HS3ST4: variants seen among roughly 807,000 people sequenced by gnomAD.
HS3ST4 encodes heparan sulfate glucosamine 3-O-sulfotransferase 4.
Under a neutral mutation model 29.2 loss-of-function variants are expected in HS3ST4, and 17 were observed. The observed-to-expected ratio is 0.58, with a 90% CI of 0.40 to 0.87. HS3ST4 has a LOEUF of 0.87. Among genes scored for constraint, HS3ST4 ranks in the 40% least tolerant of loss-of-function variants. HS3ST4 has a pLI of 0.00. For missense variants in HS3ST4, 627 were observed against 634.5 expected, an observed-to-expected ratio of 0.99 and a Z score of 0.13; for synonymous variants, 314 against 285.7, an observed-to-expected ratio of 1.10 and a Z score of -1.00.
intron 1 of HS3ST4, among the ~76,000 whole-genome samples, chr16:25,911,774 G>C (rs113645816): frequency 2.6e-5 from 4 of 151,912 alleles, no homozygotes; most frequent in Non-Finnish European, 5.9e-5. Flanking sequence ...CTCCCAAAGC[G>C]CTGGGATTAC....
rs139591953 is a variant in HS3ST4, at chr16:26,086,389, G to A, written c.735-49223G>A. Among the ~76,000 whole-genome samples the A allele has an allele frequency of 2.9e-3, 432 of 148,272 alleles. 2 individuals carry two copies. The highest frequency in any genetic ancestry group is 8.9e-3 in the African/African-American group (358 of 40,040). On this transcript the variant is annotated intron_variant, in intron 1 of 1. Coordinates refer to ENST00000331351, the MANE Select transcript of HS3ST4 (RefSeq NM_006040.3). ...TTTTGAGACAGAGTCTTGCTCTGTC[G>A]CCCAGGCTGTAGTGCAGTGGCACGA...
At chr16:25,924,999 G>A (rs1968388902) in intron 1 of HS3ST4, among the ~76,000 whole-genome samples, 2 of 151,916 alleles carry the variant, frequency 1.3e-5, no homozygotes, top group Non-Finnish European at 2.9e-5. Context: ...AAGCATACAG[G>A]GCATGTAATA....
chr16:25,852,592 CT>C (rs1967532650), intron 1 of HS3ST4, among the ~76,000 whole-genome samples: 1 of 148,154 alleles, frequency 6.7e-6, no homozygotes, highest in African/African-American at 2.5e-5. Flanking sequence ...TTTAAAAGCT[CT>C]TTATAAGAGC....
intron 1 of HS3ST4, among the ~76,000 whole-genome samples, chr16:25,955,817 CT>C (rs67504831): frequency 5.9e-4 from 84 of 142,126 alleles, no homozygotes; most frequent in East Asian, 2.1e-3. Flanking sequence ...GTGATGTATA[CT>C]TTTTTTTTTT....
chr16:26,028,015 G>A (rs1969492443), intron 1 of HS3ST4, among the ~76,000 whole-genome samples: 2 of 152,154 alleles, frequency 1.3e-5, no homozygotes, highest in South Asian at 4.1e-4. Context: ...GCTCATGCCT[G>A]TAATCCCAGC....
At chr16:25,942,867 C>T (rs1235647776) in intron 1 of HS3ST4, among the ~76,000 whole-genome samples, 1 of 152,126 alleles carries the variant, frequency 6.6e-6, no homozygotes, top group Non-Finnish European at 1.5e-5. Context: ...AGCAATCCTC[C>T]CACTTCAGCC....
chr16:25,913,140 G>A (rs781347835), intron 1 of HS3ST4, among the ~76,000 whole-genome samples: 1 of 152,220 alleles, frequency 6.6e-6, no homozygotes, highest in East Asian at 1.9e-4. Flanking sequence ...ATTCTGATGG[G>A]GTTGGTCCAG....
intron 1 of HS3ST4, among the ~76,000 whole-genome samples, chr16:26,081,129 A>T (rs1199981789): frequency 6.6e-6 from 1 of 152,092 alleles, no homozygotes; most frequent in African/African-American, 2.4e-5. Context: ...TCTACTAAAA[A>T]TACAAAAATT....
At chr16:26,032,595 C>A in intron 1 of HS3ST4, 16 of 1,381,242 alleles carry the variant, frequency 1.2e-5, no homozygotes, top group Non-Finnish European at 1.6e-5. Flanking sequence ...TTGGCATCTC[C>A]ATTTTCTGCA....
intron 1 of HS3ST4, among the ~76,000 whole-genome samples, chr16:25,885,991 A>T (rs1282316943): frequency 2.0e-5 from 3 of 151,278 alleles, no homozygotes; most frequent in Non-Finnish European, 2.9e-5. Context: ...AAAAAGAATG[A>T]AGAAGAATTG....
At position 25,948,034 on chromosome 16, in the gene HS3ST4, G is replaced by A. The variant is rs532923939; in HGVS notation, c.735-187578G>A. 2.0e-4 allele frequency among the ~76,000 whole-genome samples: 30 copies of A among 152,226 alleles called. 1 individual carries two copies. The Middle Eastern group carries it at 0.01, about 52-fold the overall frequency. ...TATTAGGTATTATTAATATATGTTC[G>A]TATCTTCTTATTTAAACCCAGACAT... is the stretch of plus-strand genomic sequence containing the variant. On this transcript the variant is annotated intron_variant, in intron 1 of 1. Coordinates refer to ENST00000331351, the MANE Select transcript of HS3ST4 (RefSeq NM_006040.3).
chr16:26,025,577 T>C (rs1045556891), intron 1 of HS3ST4, among the ~76,000 whole-genome samples: 3 of 152,186 alleles, frequency 2.0e-5, no homozygotes, highest in African/African-American at 7.2e-5. Context: ...GCTTGTGATG[T>C]GCCACTGGTT....
chr16:25,843,829 C>CAA (rs1200611382), intron 1 of HS3ST4, among the ~76,000 whole-genome samples: 4 of 152,206 alleles, frequency 2.6e-5, no homozygotes, highest in Admixed American at 2.0e-4. Flanking sequence ...ACTGCATTAT[C>CAA]ATTTGAAGAG....
chr16:25,828,306 CTCT>C (rs1567249547), intron 1 of HS3ST4, among the ~76,000 whole-genome samples: 797 of 54,266 alleles, frequency 0.015, 41 homozygotes, highest in Middle Eastern at 0.022. Flanking sequence ...CTTTCCCTCT[CTCT>C]CTCTCTCTCT....
intron 1 of HS3ST4, among the ~76,000 whole-genome samples, chr16:26,098,014 C>A (rs1193118925): frequency 5.3e-5 from 8 of 152,268 alleles, no homozygotes; most frequent in Non-Finnish European, 8.8e-5. Context: ...CAGAGAAATG[C>A]AAATCAAAAC....
At chr16:25,822,912 A>G (rs558078146) in intron 1 of HS3ST4, among the ~76,000 whole-genome samples, 1 of 151,940 alleles carries the variant, frequency 6.6e-6, no homozygotes, top group Admixed American at 6.6e-5. Context: ...TAATTTTTAT[A>G]TTTTTAGTAG....
intron 1 of HS3ST4, among the ~76,000 whole-genome samples, chr16:25,853,308 GTGTGTATA>G (rs202174010): frequency 9.3e-6 from 1 of 107,024 alleles, no homozygotes; most frequent in Admixed American, 9.8e-5. Flanking sequence ...GTGTGTGTGT[GTGTGTATA>G]TATATATATA....
At chr16:25,911,270 C>G (rs1968235633) in intron 1 of HS3ST4, among the ~76,000 whole-genome samples, 1 of 152,044 alleles carries the variant, frequency 6.6e-6, no homozygotes, top group Admixed American at 6.6e-5. Context: ...AGAGTGCCTG[C>G]CCATCCCTGT....
chr16:25,770,329 A>C (rs560721511), intron 1 of HS3ST4, among the ~76,000 whole-genome samples: 23 of 152,336 alleles, frequency 1.5e-4, no homozygotes, highest in African/African-American at 5.5e-4. Context: ...GCTAGCAGTT[A>C]CCCACTGCTC....
Sources: gnomAD v4.1 joint callset for allele counts (sites outside exome capture counted in the v4.1 genomes callset) on GRCh38, gnomAD v4.1.1 for gene constraint, MANE v1.5 for transcripts, NCBI Gene and HGNC (gene_info 2026-07-23, HGNC 2026-07-21) for gene names.